SCAI: variants seen among roughly 807,000 people sequenced by gnomAD.
The protein encoded by SCAI is protein SCAI.
In SCAI, 24 loss-of-function variants were observed where a neutral mutation model predicts 92.2. That is an observed-to-expected ratio of 0.26 (90% CI 0.19 to 0.37). SCAI has a LOEUF of 0.37. Among genes scored for constraint, SCAI ranks in the 10% least tolerant of loss-of-function variants. SCAI has a pLI of 1.00. For synonymous variants in SCAI, 261 were observed against 258.6 expected (o/e 1.01, Z -0.09); for missense variants, 450 against 736.2 (o/e 0.61, Z 4.50).
At chr9:125,104,603 TAAAAAAA>T (rs34277435) in intron 2 of SCAI, among the ~76,000 whole-genome samples, 1 of 130,416 alleles carries the variant, frequency 7.7e-6, no homozygotes, top group Non-Finnish European at 1.6e-5. Flanking sequence ...TGTTTTACTT[TAAAAAAA>T]AAAAAAAAAA....
intron 2 of SCAI, among the ~76,000 whole-genome samples, chr9:125,104,890 G>A (rs1284954895): frequency 1.3e-5 from 2 of 151,882 alleles, no homozygotes; most frequent in African/African-American, 2.4e-5. Context: ...CCTGCAAGGT[G>A]GAGGTTCCAG....
chr9:124,990,102 G>A (rs1009465625), intron 14 of SCAI, among the ~76,000 whole-genome samples: 4 of 151,902 alleles, frequency 2.6e-5, no homozygotes, highest in African/African-American at 9.7e-5. Flanking sequence ...TGAACTTGGG[G>A]AGCAGAGGTT....
At chr9:124,979,433 G>C (rs946085569) in intron 14 of SCAI, among the ~76,000 whole-genome samples, 1 of 151,712 alleles carries the variant, frequency 6.6e-6, no homozygotes, top group Admixed American at 6.6e-5. Context: ...CCAGCTACTA[G>C]GTAGGCTGAG....
intron 2 of SCAI, among the ~76,000 whole-genome samples, chr9:125,115,639 A>C (rs575958389): frequency 4.4e-4 from 67 of 152,326 alleles, no homozygotes; most frequent in African/African-American, 1.6e-3. Context: ...ATGAATATAA[A>C]ATTTAACAAA....
At chr9:125,084,514 C>A (rs1316754437) in intron 2 of SCAI, among the ~76,000 whole-genome samples, 1 of 152,028 alleles carries the variant, frequency 6.6e-6, no homozygotes, top group Non-Finnish European at 1.5e-5. Context: ...CAAGCAGAGA[C>A]AACAATCCAG....
At chr9:125,072,805 G>C (rs1834003649) in intron 2 of SCAI, among the ~76,000 whole-genome samples, 1 of 152,094 alleles carries the variant, frequency 6.6e-6, no homozygotes, top group African/African-American at 2.4e-5. Context: ...TTTGTGTCCA[G>C]CTTACTTCAC....
intron 3 of SCAI, among the ~76,000 whole-genome samples, chr9:125,053,101 G>A (rs1212876889): frequency 1.3e-5 from 2 of 152,086 alleles, no homozygotes; most frequent in East Asian, 1.9e-4. Flanking sequence ...TTGGGAGGCC[G>A]AAGCAGGTGG....
At chr9:125,097,882 A>T (rs983505563) in intron 2 of SCAI, among the ~76,000 whole-genome samples, 11 of 151,746 alleles carry the variant, frequency 7.2e-5, no homozygotes, top group African/African-American at 2.7e-4. Flanking sequence ...ATTATTTAAG[A>T]ATGTATATTC....
intron 3 of SCAI, among the ~76,000 whole-genome samples, chr9:125,042,721 G>A (rs1018163831): frequency 4.0e-5 from 6 of 150,256 alleles, no homozygotes; most frequent in Non-Finnish European, 8.9e-5. Context: ...TGGCCAGTAA[G>A]CTGTAGAGCT....
At chr9:125,140,124 G>A (rs1328609159) in intron 2 of SCAI, among the ~76,000 whole-genome samples, 2 of 152,114 alleles carry the variant, frequency 1.3e-5, no homozygotes, top group African/African-American at 4.8e-5. Context: ...GGGAGGCTGA[G>A]GTGGAAGGAT....
At chr9:125,016,735 C>T (rs1416437082) in intron 9 of SCAI, among the ~76,000 whole-genome samples, 2 of 151,974 alleles carry the variant, frequency 1.3e-5, no homozygotes, top group African/African-American at 2.4e-5. Flanking sequence ...GAAAATCTGA[C>T]CCATACTTCA....
intron 13 of SCAI, among the ~76,000 whole-genome samples, chr9:124,997,180 A>G (rs1832254957): frequency 6.6e-6 from 1 of 152,192 alleles, no homozygotes; most frequent in Non-Finnish European, 1.5e-5. Context: ...AAAAGTTTTC[A>G]GAGCCAACAC....
chr9:125,002,120 T>C (rs895625878), intron 11 of SCAI, 77 bp from the exon 12 acceptor site: 1 of 1,009,212 alleles, frequency 9.9e-7, no homozygotes, highest in African/African-American at 1.6e-5. Flanking sequence ...GTTCATGACA[T>C]CTTAAAGTTG....
intron 14 of SCAI, among the ~76,000 whole-genome samples, chr9:124,987,079 C>CTGGA (rs1196234348): frequency 6.6e-6 from 1 of 152,186 alleles, no homozygotes; most frequent in Non-Finnish European, 1.5e-5. Flanking sequence ...GTCGCCCAGG[C>CTGGA]TGGAGTGCAG....
At chr9:124,986,606 T>C (rs893331082) in intron 14 of SCAI, among the ~76,000 whole-genome samples, 1 of 152,114 alleles carries the variant, frequency 6.6e-6, no homozygotes, top group African/African-American at 2.4e-5. Flanking sequence ...TTAGATACCA[T>C]CGATATGTGA....
rs945153373 is a variant in SCAI at position 125,131,771 on chromosome 9, T to G, written c.98+10862A>C. Reference sequence around the variant, plus strand: ...AAAACCACTGCATTTGCTGTACGGATGTTGCTGAGGCAAACCTACCATGAG... The same window carrying G: ...AAAACCACTGCATTTGCTGTACGGAGGTTGCTGAGGCAAACCTACCATGAG... On this transcript the variant is annotated intron_variant, in intron 2 of 17. Transcript: ENST00000336505. 3.9e-5 allele frequency among the ~76,000 whole-genome samples: 6 copies of G among 152,346 alleles called. No homozygotes were observed. In the East Asian group the frequency reaches 1.2e-3, roughly 29 times the overall value.
intron 3 of SCAI, among the ~76,000 whole-genome samples, chr9:125,042,968 C>T (rs1335831276): frequency 6.9e-6 from 1 of 144,438 alleles, no homozygotes; most frequent in Non-Finnish European, 1.5e-5. Flanking sequence ...CAGGTTCAAG[C>T]GATTCTCATG....
intron 2 of SCAI, among the ~76,000 whole-genome samples, chr9:125,073,450 C>A (rs915074531): frequency 6.6e-6 from 1 of 152,158 alleles, no homozygotes; most frequent in African/African-American, 2.4e-5. Flanking sequence ...TCCACAGTGG[C>A]TGTATCATTT....
intron 2 of SCAI, among the ~76,000 whole-genome samples, chr9:125,095,369 A>G (rs142040191): frequency 6.6e-6 from 1 of 152,344 alleles, no homozygotes; most frequent in African/African-American, 2.4e-5. Flanking sequence ...TTGTGTCTCA[A>G]ATTCTGCTTT....
Sources: gnomAD v4.1 joint callset for allele counts (sites outside exome capture counted in the v4.1 genomes callset) on GRCh38, gnomAD v4.1.1 for gene constraint, MANE v1.5 for transcripts, NCBI Gene and HGNC (gene_info 2026-07-23, HGNC 2026-07-21) for gene names.